The following SHPRH variants were observed in gnomAD, a reference collection of about 807,000 sequenced individuals.
The protein encoded by SHPRH is SNF2 histone linker PHD RING helicase.
Under a neutral mutation model 202.5 loss-of-function variants are expected in SHPRH, and 106 were observed. The ratio of observed to expected loss-of-function variants is 0.52; its 90% CI spans 0.45 to 0.62. The LOEUF (loss-of-function observed/expected upper bound fraction) is 0.62, where lower values mean the gene tolerates loss of function less well. SHPRH is among the 20% of genes least tolerant of loss of function. SHPRH has a pLI of 0.00. For synonymous variants in SHPRH, 729 were observed against 686.0 expected (o/e 1.06, Z -0.98); for missense variants, 1,710 against 2,020.0 (o/e 0.85, Z 2.94).
Position 145,918,200 on chromosome 6 carries a change from A to G in SHPRH, c.4185T>C (p.Asp1395=). 1.3e-6 allele frequency: 2 copies of G among 1,599,946 alleles called. No individual in the cohort carries two copies. Among genetic ancestry groups the G allele is most frequent in the Non-Finnish European group, 1.7e-6 (2 of 1,173,866 alleles). Residue 1395 remains aspartate, a synonymous_variant, in exon 23 of 30, where the codon GAT becomes GAC. Transcript: ENST00000275233. ...GAAGCTGTGATGTAGCAACAGCTTT[A>G]TCATTTAGTAGTTTTATTCGGTTTT... is the stretch of plus-strand genomic sequence containing the variant. ...VEQNRIKLLN[D]KAVATSQLQK...
chr6:145,862,497 G>T (rs1287440688), downstream of SHPRH: 2 of 154,486 alleles, frequency 1.3e-5, no homozygotes, highest in African/African-American at 4.8e-5. Flanking sequence ...AACAAAAATG[G>T]AGGAGGAAGA....
chr6:145,940,236 A>C (rs867180498), intron 11 of SHPRH, among the ~76,000 whole-genome samples: 3 of 152,278 alleles, frequency 2.0e-5, no homozygotes, highest in Middle Eastern at 3.4e-3. Context: ...TTATAAGACT[A>C]CTAATAACTT....
rs1340852179 is a variant in SHPRH at position 145,886,498 on chromosome 6, G to T, written c.*193C>A. The T allele has an allele frequency of 9.6e-5, 99 of 1,026,298 alleles. No homozygotes were observed. The East Asian group carries it at 2.4e-3, about 25-fold the overall frequency. The allele number at this position is 1,026,298 out of a possible 1,614,324, so 63.6% of individuals were successfully genotyped here. A position where few individuals can be genotyped will look rare whatever the true frequency, so the allele number is the denominator to read the frequency against. The stretch of plus-strand genomic sequence containing the variant: ...GAGTGTAAAATTAAGAATCTTTATA[G>T]ATCTTTTGGAAACAGTATATTGAAA... On this transcript the variant is annotated 3_prime_UTR_variant, in exon 30 of 30. Coordinates refer to ENST00000275233, the MANE Select transcript of SHPRH (RefSeq NM_001042683.3).
chr6:145,939,014 ATTCCCAAAGAAGAATT>A (rs1437809898), intron 11 of SHPRH, among the ~76,000 whole-genome samples: 1 of 152,170 alleles, frequency 6.6e-6, no homozygotes, highest in Non-Finnish European at 1.5e-5. Flanking sequence ...ATACAGGACA[ATTCCCAAAGAAGAATT>A]ATCTGGCCCC....
chr6:145,889,469 A>C (rs1373108712), intron 28 of SHPRH, among the ~76,000 whole-genome samples: 1 of 152,148 alleles, frequency 6.6e-6, no homozygotes, highest in Non-Finnish European at 1.5e-5. Context: ...CAAAAACCCA[A>C]AATCCAAAAC....
chr6:145,894,835 G>A (rs772789645), intron 26 of SHPRH, 50 bp downstream of exon 26: 9 of 1,546,270 alleles, frequency 5.8e-6, no homozygotes, highest in Non-Finnish European at 8.0e-6. Context: ...ACTGATTAGA[G>A]AGGGAAAATC....
intron 28 of SHPRH, among the ~76,000 whole-genome samples, chr6:145,889,382 T>A (rs1376719246): frequency 1.3e-5 from 2 of 151,992 alleles, no homozygotes; most frequent in African/African-American, 4.8e-5. Flanking sequence ...TGTATCAGAG[T>A]GTTTTTTTCT....
At chr6:145,898,085 A>C (rs375912203) in intron 25 of SHPRH, among the ~76,000 whole-genome samples, 1 of 152,206 alleles carries the variant, frequency 6.6e-6, no homozygotes. Context: ...TTTGCAGATG[A>C]CATGATCTTA....
At chr6:145,945,951 A>G (rs749491682) in intron 7 of SHPRH, among the ~76,000 whole-genome samples, 1 of 152,126 alleles carries the variant, frequency 6.6e-6, no homozygotes, top group East Asian at 1.9e-4. Context: ...AGTATGCGAA[A>G]CATTCATTTC....
intron 2 of SHPRH, among the ~76,000 whole-genome samples, chr6:145,875,094 T>C (rs977604334): frequency 1.3e-5 from 2 of 152,162 alleles, no homozygotes; most frequent in Non-Finnish European, 2.9e-5. Context: ...AGTAAGCACA[T>C]AATGCAAATA....
downstream of SHPRH, among the ~76,000 whole-genome samples, chr6:145,863,937 T>C (rs1400874922): frequency 1.3e-5 from 2 of 152,230 alleles, no homozygotes; most frequent in Non-Finnish European, 2.9e-5. Flanking sequence ...TGTTGCTAAA[T>C]AGATTTTGTT....
At chr6:145,871,712 G>A (rs965798268) in intron 2 of SHPRH, among the ~76,000 whole-genome samples, 4 of 151,998 alleles carry the variant, frequency 2.6e-5, no homozygotes, top group Non-Finnish European at 4.4e-5. Flanking sequence ...AATTTATATG[G>A]AACCAAAAAA....
intron 1 of SHPRH, among the ~76,000 whole-genome samples, chr6:145,959,001 T>C (rs2128810398): frequency 6.6e-6 from 1 of 151,508 alleles, no homozygotes; most frequent in East Asian, 1.9e-4. Context: ...CCCAGCTAAC[T>C]TTTTTTTTGT....
At chr6:145,908,971 T>C (rs1783229212) in intron 25 of SHPRH, 1 of 152,292 alleles carries the variant, frequency 6.6e-6, no homozygotes, top group South Asian at 2.1e-4. Context: ...TGCATATGGC[T>C]AGCCAGTTTT....
intron 2 of SHPRH, among the ~76,000 whole-genome samples, chr6:145,868,589 T>C (rs762685978): frequency 1.2e-4 from 19 of 152,198 alleles, no homozygotes; most frequent in Non-Finnish European, 2.5e-4. Flanking sequence ...AGTGTTAAGG[T>C]ACGACACAGG....
rs1785092425 is a variant in SHPRH, at chr6:145,928,390, C to CA, written c.3113-1114dup. Among the ~76,000 whole-genome samples, 3 of 148,716 alleles carry CA rather than the reference C, an allele frequency of 2.0e-5. No homozygotes were observed. The South Asian group carries it at 6.3e-4, about 31-fold the overall frequency. ...ACTGGCAAAACCATGCAATCCATAC[C>CA]AAAAAAAGGTACAAGATGTTCTAGC... is the stretch of plus-strand genomic sequence containing the variant. On this transcript the variant is annotated intron_variant, in intron 14 of 29. Transcript: ENST00000275233.
At chr6:145,960,345 A>C (rs532992255) in intron 1 of SHPRH, among the ~76,000 whole-genome samples, 7 of 152,278 alleles carry the variant, frequency 4.6e-5, no homozygotes, top group Middle Eastern at 6.8e-3. Context: ...AATATACTAC[A>C]CCTCTTTACT....
intron 13 of SHPRH, 123 bp from the exon 14 acceptor site, chr6:145,933,301 A>AT (rs938727419): frequency 2.8e-5 from 39 of 1,409,040 alleles, no homozygotes; most frequent in Non-Finnish European, 3.1e-5. Flanking sequence ...TATCTCTAGC[A>AT]TTTTTTTTCG....
chr6:145,859,858 C>T (rs998403021), downstream of SHPRH, among the ~76,000 whole-genome samples: 1 of 151,996 alleles, frequency 6.6e-6, no homozygotes, highest in Non-Finnish European at 1.5e-5. Context: ...AATTCTCTCT[C>T]TGTTCTTTCT....
Sources: allele counts gnomAD v4.1 joint callset (sites outside exome capture counted in the v4.1 genomes callset), GRCh38; gene constraint gnomAD v4.1.1; transcripts MANE v1.5; gene names NCBI Gene and HGNC (gene_info 2026-07-23, HGNC 2026-07-21).